YBX1: variants seen among roughly 807,000 people sequenced by gnomAD.
The protein encoded by YBX1 is Y-box binding protein 1.
In YBX1, 3 loss-of-function variants were observed where a neutral mutation model predicts 41.4. The observed-to-expected ratio is 0.07, with a 90% CI of 0.03 to 0.19. The LOEUF (loss-of-function observed/expected upper bound fraction) is 0.19, where lower values mean the gene tolerates loss of function less well. Among genes scored for constraint, YBX1 ranks in the 10% least tolerant of loss-of-function variants. The pLI, the probability that YBX1 is intolerant of heterozygous loss-of-function variation, is 1.00. For missense variants in YBX1, 274 were observed against 462.8 expected (o/e 0.59, Z 3.74); for synonymous variants, 133 against 165.8 (o/e 0.80, Z 1.52).
chr1:42,702,951 G>A lies in YBX1; in HGVS notation c.*1002G>A, dbSNP rs1570427645. On this transcript the variant is annotated 3_prime_UTR_variant, in exon 8 of 8. Transcript: ENST00000321358. ...GGCTGATCTTTTCTCTTTTTGAGAC[G>A]GAGTCTTGTTCTGTCATCAGGCTGG... 6.6e-6 allele frequency among the ~76,000 whole-genome samples: 1 copy of A among 152,116 alleles called. No homozygotes were observed. Among genetic ancestry groups the A allele is most frequent in the African/African-American group, 2.4e-5 (1 of 41,424 alleles).
In YBX1 at chr1:42,682,824, G is replaced by A. The variant is rs957459649; in HGVS notation, c.166+93G>A. ...TGGGCGAGCCGGCGGGCGCGCGGCC[G>A]GTGGGCACCGACTCCGCGGCGCGCG... On this transcript the variant is annotated intron_variant, in intron 1 of 7. Coordinates refer to ENST00000321358, the MANE Select transcript of YBX1 (RefSeq NM_004559.5). 4.2e-5 allele frequency: 34 copies of A among 808,770 alleles called. No homozygotes were observed. The African/African-American group carries it at 5.7e-4, about 13-fold the overall frequency. The allele number at this position is 808,770 out of a possible 1,614,324, so 50.1% of individuals were successfully genotyped here. A position where few individuals can be genotyped will look rare whatever the true frequency, so the allele number is the denominator to read the frequency against.
At position 42,696,806 on chromosome 1, in the gene YBX1, A is replaced by G. The variant is rs1175314638; in HGVS notation, c.519A>G (p.Gly173=). 3.7e-6 allele frequency: 6 copies of G among 1,613,354 alleles called. No individual in the cohort carries two copies. The highest frequency in any genetic ancestry group is 5.1e-6 in the Non-Finnish European group (6 of 1,179,644). The change falls in exon 5 of 8, where the codon GGA becomes GGG. Residue 173 remains glycine (G), a synonymous_variant. Coordinates refer to ENST00000321358, the MANE Select transcript of YBX1 (RefSeq NM_004559.5). This position sits in a 1 kb window ranked among gnomAD's most constrained non-coding sequence, Gnocchi z 5.7. ...QNSESGEKNE[G]SESAPEGQAQ... is the part of the protein sequence containing the mutation. ...GTGAGAGTGGGGAAAAGAACGAGGGATCGGAGAGTGCTCCCGAAGGCCAGG... is the reference window on the plus strand; with the variant it reads ...GTGAGAGTGGGGAAAAGAACGAGGGGTCGGAGAGTGCTCCCGAAGGCCAGG...
At chr1:42,701,933 A>T (rs536300658) in intron 7 of YBX1, 48 bp from the exon 8 acceptor site, 1 of 153,008 alleles carries the variant, frequency 6.5e-6, no homozygotes, top group South Asian at 2.1e-4. Flanking sequence ...ACACTAAATG[A>T]AGATCACCAT....
intron 2 of YBX1, among the ~76,000 whole-genome samples, chr1:42,688,918 A>G (rs1650263965): frequency 6.6e-6 from 1 of 152,248 alleles, no homozygotes; most frequent in Admixed American, 6.5e-5. Flanking sequence ...TATATAATAC[A>G]TATAAGACAG....
intron 2 of YBX1, among the ~76,000 whole-genome samples, chr1:42,687,652 T>G: frequency 6.6e-6 from 1 of 152,116 alleles, no homozygotes; most frequent in Non-Finnish European, 1.5e-5. Context: ...TTGTTGGTTG[T>G]TTGAAGTGGA....
At chr1:42,683,264 C>T (rs1160055447) in intron 1 of YBX1, 139 bp from the exon 2 acceptor site, 1 of 1,016,832 alleles carries the variant, frequency 9.8e-7, no homozygotes, top group South Asian at 1.3e-5. Context: ...CTGCGTGGCC[C>T]CGCACCCGGG....
chr1:42,699,592 G>C (rs1433227399), intron 6 of YBX1, among the ~76,000 whole-genome samples: 2 of 150,490 alleles, frequency 1.3e-5, no homozygotes, highest in African/African-American at 4.9e-5. Context: ...TGGATAAAGA[G>C]GGGAGAAAAG....
At chr1:42,689,355 A>G (rs1382849310) in intron 2 of YBX1, among the ~76,000 whole-genome samples, 1 of 152,210 alleles carries the variant, frequency 6.6e-6, no homozygotes, top group Non-Finnish European at 1.5e-5. Flanking sequence ...TAGATGGTAA[A>G]TCCTGGAGTT....
rs750237945 is a variant in YBX1, at chr1:42,682,988, G to A, written c.166+257G>A. On this transcript the variant is annotated intron_variant, in intron 1 of 7. Coordinates refer to ENST00000321358, the MANE Select transcript of YBX1 (RefSeq NM_004559.5). ...CCCCTGCGGCCGCGCGCCGCCGACC[G>A]CGTGTGCGACGGGGTCCCCTCCCCG... The A allele has an allele frequency of 9.8e-4, 169 of 172,532 alleles. 2 individuals carry two copies. The highest frequency in any genetic ancestry group is 7.1e-4 in the Non-Finnish European group (59 of 82,686). The allele number at this position is 172,532 out of a possible 1,614,324, so 10.7% of individuals were successfully genotyped here.
chr1:42,691,065 G>A (rs979307667), intron 2 of YBX1, among the ~76,000 whole-genome samples: 4 of 152,188 alleles, frequency 2.6e-5, no homozygotes, highest in Admixed American at 2.0e-4. Context: ...ATAACTGCCA[G>A]TTTAAACTAG....
chr1:42,700,621 C>CAA (rs1314082986), intron 6 of YBX1, among the ~76,000 whole-genome samples, 160 bp from the exon 7 acceptor site: 2 of 103,014 alleles, frequency 1.9e-5, no homozygotes, highest in African/African-American at 7.3e-5. Flanking sequence ...CCCCCCCCCC[C>CAA]AAAAAAAAAA....
rs149064241 is a variant in YBX1 at position 42,701,541 on chromosome 1, G to C, written c.*32-440G>C. On this transcript the variant is annotated intron_variant, in intron 7 of 7. Coordinates refer to ENST00000321358, the MANE Select transcript of YBX1 (RefSeq NM_004559.5). ...TCATTTCTAATTGTTTTTTTTTTTT[G>C]TTGGTTTATGTTGTTCCCGGAAAAA... Among the ~76,000 whole-genome samples, 315 of 135,028 alleles carry C rather than the reference G, an allele frequency of 2.3e-3. 1 individual carries two copies. Among genetic ancestry groups the C allele is most frequent in the African/African-American group, 8.3e-3 (308 of 37,228 alleles). The allele number at this position is 135,028 out of a possible 152,430, so 88.6% of individuals were successfully genotyped here.
At chr1:42,690,425 G>T (rs957993748) in intron 2 of YBX1, among the ~76,000 whole-genome samples, 4 of 151,966 alleles carry the variant, frequency 2.6e-5, no homozygotes, top group Admixed American at 1.3e-4. Flanking sequence ...CTAACCCAAT[G>T]AATAAGATTC....
Position 42,696,998 on chromosome 1 carries a change from G to A in YBX1, c.657+54G>A. The A allele has an allele frequency of 6.7e-7, 1 of 1,502,494 alleles. No homozygotes were observed. The allele number at this position is 1,502,494 out of a possible 1,614,324, so 93.1% of individuals were successfully genotyped here. ...TGATAAGTTCTGGTAGGACTGTTTA[G>A]AGCTGTTAATTATATGGAAAGCAAC... On this transcript the variant is annotated intron_variant, in intron 5 of 7. Transcript: ENST00000321358. The surrounding 1 kb of genome is among the most constrained non-coding windows in gnomAD (Gnocchi z 5.7).
At chr1:42,697,504 GATA>G (rs1380879982) in intron 6 of YBX1, among the ~76,000 whole-genome samples, 1 of 152,186 alleles carries the variant, frequency 6.6e-6, no homozygotes, top group African/African-American at 2.4e-5. Flanking sequence ...GAACAGGTAA[GATA>G]ATATTTTAAA....
rs1650461900 is a variant in YBX1 at position 42,696,512 on chromosome 1, C to CCG, written c.355-129_355-128insGC. On this transcript the variant is annotated intron_variant, in intron 4 of 7. Transcript: ENST00000321358. The surrounding 1 kb of genome is among the most constrained non-coding windows in gnomAD (Gnocchi z 5.7). ...GTGCACCCCTGGTCACGCAGTTGCG[C>CCG]CCCCCCCCCCTTTTTTTTCCTTAAC... is the stretch of plus-strand genomic sequence containing the variant. The CCG allele has an allele frequency of 3.4e-6, 1 of 290,464 alleles. No homozygotes were observed. The highest frequency in any genetic ancestry group is 5.5e-6 in the Non-Finnish European group (1 of 182,698). 18.0% of individuals were successfully genotyped at this position (290,464 alleles called of 1,614,324 possible). A position where few individuals can be genotyped will look rare whatever the true frequency, so the allele number is the denominator to read the frequency against.
At position 42,700,989 on chromosome 1, in the gene YBX1, G is replaced by A. The variant is rs1396158522; in HGVS notation, c.949G>A (p.Glu317Lys). ...DPPAENSSAP[E>K]AEQGGAE is the part of the protein sequence containing the mutation. ...ACCAGCTGAGAATTCGTCCGCTCCC[G>A]AGGCTGAGCAGGGCGGGGCTGAGTA... is the stretch of plus-strand genomic sequence containing the variant. The change falls in exon 7 of 8, where the codon GAG (glutamate) becomes AAG (lysine). Residue 317 changes from glutamate to lysine, a missense_variant. Glu to Lys is a moderately conservative substitution (Grantham distance 56). Transcript: ENST00000321358. 6 of 1,614,110 alleles carry A rather than the reference G, an allele frequency of 3.7e-6. No homozygotes were observed. Among genetic ancestry groups the A allele is most frequent in the Admixed American group, 3.3e-5 (2 of 60,020 alleles).
In YBX1 at chr1:42,703,329, C is replaced by A. The variant is rs1650654103; in HGVS notation, c.*1380C>A. Among the ~76,000 whole-genome samples, 1 of 152,046 alleles carries A rather than the reference C, an allele frequency of 6.6e-6. No individual in the cohort carries two copies. The highest frequency in any genetic ancestry group is 2.1e-4 in the South Asian group (1 of 4,826). On this transcript the variant is annotated 3_prime_UTR_variant, in exon 8 of 8. Transcript: ENST00000321358. ...GCTGCCCCGAAACACTCCAGATCATCCTGGCCAGCTATCAGGGCCCAGGGG... is the reference window on the plus strand; with the variant it reads ...GCTGCCCCGAAACACTCCAGATCATACTGGCCAGCTATCAGGGCCCAGGGG...
intron 2 of YBX1, among the ~76,000 whole-genome samples, chr1:42,686,261 T>C (rs1650194659): frequency 6.6e-6 from 1 of 152,214 alleles, no homozygotes; most frequent in African/African-American, 2.4e-5. Context: ...GGTCACAAAT[T>C]TGTGACCTTC....
Sources: gnomAD v4.1 joint callset for allele counts (sites outside exome capture counted in the v4.1 genomes callset) on GRCh38, gnomAD v4.1.1 for gene constraint, Gnocchi (gnomAD v3.1) non-coding constraint, MANE v1.5 for transcripts, NCBI Gene and HGNC (gene_info 2026-07-23, HGNC 2026-07-21) for gene names.